Variants in PHACTR1 observed in about 807,000 individuals in gnomAD.
PHACTR1 encodes the protein phosphatase and actin regulator 1, also known as RPEL repeat containing 1.
PHACTR1 carries 16 observed loss-of-function variants against 69.2 expected under a neutral mutation model. That is an observed-to-expected ratio of 0.23 (90% CI 0.16 to 0.35). The LOEUF is 0.35. Among genes scored for constraint, PHACTR1 ranks in the 10% least tolerant of loss-of-function variants. PHACTR1 has a pLI of 1.00. For missense variants in PHACTR1, 510 were observed against 734.7 expected, an observed-to-expected ratio of 0.69 and a Z score of 3.54; for synonymous variants, 312 against 284.5, an observed-to-expected ratio of 1.10 and a Z score of -0.97.
intron 5 of PHACTR1, among the ~76,000 whole-genome samples, chr6:13,123,202 G>A (rs772489238): frequency 6.6e-6 from 1 of 152,190 alleles, no homozygotes; most frequent in Admixed American, 6.5e-5. Context: ...CTGGGTGTAG[G>A]TAATGACTTA....
At chr6:12,720,475 G>C (rs552637352) in intron 3 of PHACTR1, among the ~76,000 whole-genome samples, 3 of 152,272 alleles carry the variant, frequency 2.0e-5, no homozygotes, top group East Asian at 1.9e-4. Flanking sequence ...GCAGCCTTCT[G>C]GTTTTCAGCA....
chr6:12,804,323 G>A (rs1444141041), intron 4 of PHACTR1, among the ~76,000 whole-genome samples: 1 of 152,082 alleles, frequency 6.6e-6, no homozygotes, highest in Non-Finnish European at 1.5e-5. Context: ...ATGTTAGATG[G>A]CTTTTGTCCC....
chr6:13,132,418 A>G (rs1015255440), intron 5 of PHACTR1, among the ~76,000 whole-genome samples: 3 of 152,094 alleles, frequency 2.0e-5, no homozygotes, highest in African/African-American at 7.2e-5. Context: ...GTTAGATTGC[A>G]TGTTCTGCAG....
chr6:12,984,409 C>T (rs1475205832), intron 4 of PHACTR1, among the ~76,000 whole-genome samples: 4 of 152,184 alleles, frequency 2.6e-5, no homozygotes, highest in Non-Finnish European at 5.9e-5. Flanking sequence ...TTTAATCTTT[C>T]AACAAAGTAG....
intron 4 of PHACTR1, among the ~76,000 whole-genome samples, chr6:12,779,306 G>A (rs971657222): frequency 6.6e-6 from 1 of 152,170 alleles, no homozygotes; most frequent in African/African-American, 2.4e-5. Context: ...TTGCACTCCA[G>A]CCTGGGCAAC....
intron 4 of PHACTR1, among the ~76,000 whole-genome samples, chr6:12,810,323 GTTGTTTGTTTGTTTGT>G (rs3036465): frequency 9.1e-4 from 138 of 151,990 alleles, no homozygotes; most frequent in African/African-American, 3.3e-3. Flanking sequence ...TGGTTGGTTT[GTTGTTTGTTTGTTTGT>G]TTGTTTGTTT....
intron 4 of PHACTR1, among the ~76,000 whole-genome samples, chr6:12,898,447 A>G (rs936877303): frequency 4.6e-5 from 7 of 152,170 alleles, no homozygotes; most frequent in African/African-American, 1.4e-4. Context: ...CCACTTCTAT[A>G]GTTCCTGTCT....
chr6:13,284,698 G>A (rs947618729), intron 13 of PHACTR1, among the ~76,000 whole-genome samples: 4 of 151,374 alleles, frequency 2.6e-5, no homozygotes, highest in African/African-American at 9.7e-5. Flanking sequence ...CCGTTTCAGG[G>A]ACCCAGGGTT....
At chr6:12,890,814 C>T (rs775571620) in intron 4 of PHACTR1, among the ~76,000 whole-genome samples, 2 of 152,138 alleles carry the variant, frequency 1.3e-5, no homozygotes, top group Non-Finnish European at 2.9e-5. Flanking sequence ...GTTCTTTTTT[C>T]AGTATCTCTA....
rs9473512 is a variant in PHACTR1, at chr6:13,140,526, G to A, written c.416-19678G>A. Among the ~76,000 whole-genome samples, 1,181 of 152,262 alleles carry A rather than the reference G, an allele frequency of 7.8e-3. 15 individuals carry two copies. The highest frequency in any genetic ancestry group is 0.027 in the African/African-American group (1,108 of 41,552). On this transcript the variant is annotated intron_variant, in intron 5 of 14. Transcript: ENST00000332995. ...GAGGACATTGTATTAAATGAAATAA[G>A]CCAGTCACAAAAAAGACAAATACTG... is the stretch of plus-strand genomic sequence containing the variant.
At chr6:13,232,441 C>T (rs1421944904) in intron 10 of PHACTR1, among the ~76,000 whole-genome samples, 2 of 152,196 alleles carry the variant, frequency 1.3e-5, no homozygotes, top group African/African-American at 4.8e-5. Context: ...AGAATGAAAA[C>T]ATCTAACCAC....
At chr6:12,988,939 ATACATTT>A (rs1385108965) in intron 4 of PHACTR1, among the ~76,000 whole-genome samples, 1 of 152,242 alleles carries the variant, frequency 6.6e-6, no homozygotes, top group Non-Finnish European at 1.5e-5. Flanking sequence ...TAAAGCTCCT[ATACATTT>A]TTGAACTTGG....
At chr6:13,212,132 G>A (rs1362998696) in intron 8 of PHACTR1, among the ~76,000 whole-genome samples, 1 of 152,168 alleles carries the variant, frequency 6.6e-6, no homozygotes, top group Non-Finnish European at 1.5e-5. Flanking sequence ...ACCAGTGATA[G>A]TGGATTAGGG....
chr6:13,039,120 T>C (rs535700256), intron 4 of PHACTR1, among the ~76,000 whole-genome samples: 1 of 152,350 alleles, frequency 6.6e-6, no homozygotes, highest in East Asian at 1.9e-4. Context: ...AGAATGGATT[T>C]GGCAGGCGGC....
intron 8 of PHACTR1, among the ~76,000 whole-genome samples, chr6:13,225,007 C>T (rs930824750): frequency 1.3e-5 from 2 of 151,506 alleles, no homozygotes; most frequent in East Asian, 1.9e-4. Flanking sequence ...AGTGGCAAAA[C>T]GTGGACTCAG....
chr6:12,836,706 G>C lies in PHACTR1; in HGVS notation c.250+86916G>C, dbSNP rs372434016. On this transcript the variant is annotated intron_variant, in intron 4 of 14. Transcript: ENST00000332995. ...CTGACCTGCTTCCTCACAGTTGTTT[G>C]GTGCCTGTTGTCCTAGCATCATGTA... 3.9e-5 allele frequency among the ~76,000 whole-genome samples: 6 copies of C among 152,250 alleles called. No homozygotes were observed. The East Asian group carries it at 1.2e-3, about 29-fold the overall frequency.
intron 8 of PHACTR1, among the ~76,000 whole-genome samples, chr6:13,209,516 A>T (rs7742555): frequency 6.6e-6 from 1 of 152,232 alleles, no homozygotes; most frequent in African/African-American, 2.4e-5. Flanking sequence ...ACCATAGGCC[A>T]TCGGTCCAGA....
intron 13 of PHACTR1, chr6:13,284,037 G>A (rs949231457): frequency 4.4e-4 from 68 of 154,184 alleles, no homozygotes; most frequent in African/African-American, 1.6e-3. Flanking sequence ...CTAGCCCCTC[G>A]CCGATTTAGA....
intron 10 of PHACTR1, among the ~76,000 whole-genome samples, chr6:13,234,174 C>T (rs1243764172): frequency 6.6e-6 from 1 of 152,188 alleles, no homozygotes; most frequent in Non-Finnish European, 1.5e-5. Flanking sequence ...AAGGGGAAAT[C>T]CAAGAACCAA....
Sources: allele counts gnomAD v4.1 joint callset (sites outside exome capture counted in the v4.1 genomes callset), GRCh38; gene constraint gnomAD v4.1.1; transcripts MANE v1.5; gene names NCBI Gene and HGNC (gene_info 2026-07-23, HGNC 2026-07-21).